The following CLCN6 variants were observed in gnomAD, a reference collection of about 807,000 sequenced individuals.
CLCN6 encodes Cl-/H+ antiporter 6.
Under a neutral mutation model 109.8 loss-of-function variants are expected in CLCN6, and 70 were observed. The observed-to-expected ratio is 0.64, with a 90% CI of 0.53 to 0.78. The LOEUF (loss-of-function observed/expected upper bound fraction) is 0.78. Among genes scored for constraint, CLCN6 ranks in the 30% least tolerant of loss-of-function variants. The pLI is 0.00. For missense variants in CLCN6, 984 were observed against 1,142.3 expected (o/e 0.86, Z 2.00); for synonymous variants, 444 against 447.8 (o/e 0.99, Z 0.11).
At chr1:11,815,520 A>G (rs532832172) in intron 2 of CLCN6, among the ~76,000 whole-genome samples, 2 of 152,254 alleles carry the variant, frequency 1.3e-5, no homozygotes, top group African/African-American at 4.8e-5. Context: ...CTCAGCCTCC[A>G]AAGTAGCTGG....
intron 4 of CLCN6, among the ~76,000 whole-genome samples, chr1:11,817,291 A>C (rs1644686068): frequency 6.6e-6 from 1 of 152,182 alleles, no homozygotes; most frequent in Admixed American, 6.5e-5. Context: ...CGGAACTGTG[A>C]ACATCGTGCC....
intron 18 of CLCN6, 50 bp downstream of exon 18, chr1:11,836,203 G>T: frequency 1.9e-6 from 3 of 1,541,080 alleles, no homozygotes; most frequent in Non-Finnish European, 2.6e-6. Context: ...AAGCGGTCCC[G>T]TCTCACACGG....
At chr1:11,820,493 A>C in intron 5 of CLCN6, 1 of 648,194 alleles carries the variant, frequency 1.5e-6, no homozygotes, top group Non-Finnish European at 2.9e-6. Context: ...GGGGCCGGAC[A>C]CAGTGGCTCA....
intron 2 of CLCN6, among the ~76,000 whole-genome samples, chr1:11,811,737 C>T (rs13375493): frequency 2.7e-4 from 41 of 152,268 alleles, no homozygotes; most frequent in African/African-American, 9.1e-4. Context: ...ACCCTGCACT[C>T]ATTAGCAGCC....
At chr1:11,839,542 G>C (rs898255434) in intron 22 of CLCN6, among the ~76,000 whole-genome samples, 2 of 152,198 alleles carry the variant, frequency 1.3e-5, no homozygotes, top group Non-Finnish European at 2.9e-5. Flanking sequence ...GATTACATGC[G>C]TCAGCCACTG....
At chr1:11,814,891 G>A (rs139530712) in intron 2 of CLCN6, among the ~76,000 whole-genome samples, 1,750 of 152,132 alleles carry the variant, frequency 0.012, 24 homozygotes, top group African/African-American at 0.03. Context: ...AAATTAGCCG[G>A]GCGTGTTGGC....
intron 2 of CLCN6, among the ~76,000 whole-genome samples, chr1:11,807,792 CCTTA>C (rs908532071): frequency 6.6e-6 from 1 of 152,156 alleles, no homozygotes; most frequent in African/African-American, 2.4e-5. Flanking sequence ...ACTGTTAACA[CCTTA>C]CTAAGTATCT....
Position 11,828,568 on chromosome 1 carries a change from C to A in CLCN6, c.1065C>A (p.Asn355Lys). The change falls in exon 12 of 23, where the codon AAC becomes AAA. Residue 355 changes from asparagine (N) to lysine (K), a missense_variant. By Grantham distance (94) the Asn-to-Lys change is moderately conservative (BLOSUM62 0). Transcript: ENST00000346436. ...GLLGATFNCLNKRLAKYRMRN... is the reference protein window; with the variant it reads ...GLLGATFNCLKKRLAKYRMRN... ...TGGGAGCCACATTCAACTGTCTGAA[C>A]AAGAGGCTTGCAAAGTACCGTATGC... 1 of 1,614,158 alleles carries A rather than the reference C, an allele frequency of 6.2e-7. No individual in the cohort carries two copies. Among genetic ancestry groups the A allele is most frequent in the Non-Finnish European group, 8.5e-7 (1 of 1,180,034 alleles).
At chr1:11,833,768 C>T in intron 14 of CLCN6, 109 bp from the exon 15 acceptor site, 1 of 1,558,980 alleles carries the variant, frequency 6.4e-7, no homozygotes. Context: ...TTGGTTTCTG[C>T]CTCCTGTGTT....
chr1:11,808,213 ATGTGTGTGTGTGTTTGTGTGTG>A, intron 2 of CLCN6, among the ~76,000 whole-genome samples: 1 of 123,542 alleles, frequency 8.1e-6, no homozygotes, highest in South Asian at 2.7e-4. Context: ...TTTTTATTGT[ATGTGTGTGTGTGTTTGTGTGTG>A]TGTGTGTGTG....
chr1:11,806,415 G>A, intron 1 of CLCN6, 66 bp downstream of exon 1: 1 of 1,397,718 alleles, frequency 7.2e-7, no homozygotes, highest in South Asian at 1.5e-5. Flanking sequence ...AGGCGTTGCC[G>A]GGGGTGGGGC....
At chr1:11,817,390 C>T (rs1178637920) in intron 4 of CLCN6, among the ~76,000 whole-genome samples, 1 of 152,188 alleles carries the variant, frequency 6.6e-6, no homozygotes, top group African/African-American at 2.4e-5. Context: ...TCCTGGGCTC[C>T]TCCCCGTACG....
chr1:11,811,761 C>G (rs1390590498), intron 2 of CLCN6, among the ~76,000 whole-genome samples: 2 of 152,164 alleles, frequency 1.3e-5, no homozygotes, highest in Admixed American at 6.6e-5. Flanking sequence ...GCCTGTTCTC[C>G]TTGCCCCTGA....
At chr1:11,838,687 A>G (rs745754112) in intron 22 of CLCN6, 27 bp downstream of exon 22, 6 of 1,613,922 alleles carry the variant, frequency 3.7e-6, no homozygotes, top group Non-Finnish European at 5.1e-6. Flanking sequence ...CCCTGCCCCC[A>G]CCTTTGAGAG....
chr1:11,816,017 A>T lies in CLCN6; in HGVS notation c.213+106A>T. The T allele has an allele frequency of 2.1e-5, 18 of 843,502 alleles. 1 individual carries two copies. The highest frequency in any genetic ancestry group is 4.5e-4 in the Middle Eastern group (2 of 4,468). 52.3% of individuals were successfully genotyped at this position (843,502 alleles called of 1,614,324 possible). On this transcript the variant is annotated intron_variant, in intron 3 of 22. Transcript: ENST00000346436. ...AACATCTTTACACCTTGTTTTTTGA[A>T]CCTTTTCATGCGATACAGGCAGACC...
chr1:11,819,312 G>A (rs561301964), intron 4 of CLCN6, among the ~76,000 whole-genome samples, 176 bp from the exon 5 acceptor site: 2 of 152,312 alleles, frequency 1.3e-5, no homozygotes, highest in East Asian at 1.9e-4. Context: ...GGACTGGGCT[G>A]GAGAAGGGAT....
In CLCN6 at chr1:11,837,011, C is replaced by T. The variant is rs1644958369; in HGVS notation, c.1993C>T (p.Leu665Phe). ...TCCCCACCCACAGAAATCCAGCATC[C>T]TCACCCGGGCTGGCGAGCAGCGCAA... ...NNIKFKKSSI[L>F]TRAGEQRKRS... The change falls in exon 19 of 23, where the codon CTC (leucine) becomes TTC (phenylalanine). Residue 665 changes from leucine to phenylalanine, a missense_variant. Coordinates refer to ENST00000346436, the MANE Select transcript of CLCN6 (RefSeq NM_001286.5). The T allele has an allele frequency of 6.2e-7, 1 of 1,610,224 alleles. No individual in the cohort carries two copies. The highest frequency in any genetic ancestry group is 1.1e-5 in the South Asian group (1 of 91,088).
At position 11,838,530 on chromosome 1, in the gene CLCN6, T is replaced by G. The variant is rs1464844305; in HGVS notation, c.2404-5T>G. Reference sequence around the variant, plus strand: ...GGCAGTCAGTGACACGTGGTCTCTTTGCAGGATGTCACCCCATACATGAAC... The same window carrying G: ...GGCAGTCAGTGACACGTGGTCTCTTGGCAGGATGTCACCCCATACATGAAC... On this transcript the variant is annotated splice_polypyrimidine_tract_variant and splice_region_variant and intron_variant, in intron 21 of 22. Coordinates refer to ENST00000346436, the MANE Select transcript of CLCN6 (RefSeq NM_001286.5). 3 of 1,607,610 alleles carry G rather than the reference T, an allele frequency of 1.9e-6. No individual in the cohort carries two copies. Among genetic ancestry groups the G allele is most frequent in the Non-Finnish European group, 2.6e-6 (3 of 1,174,606 alleles).
At chr1:11,821,235 C>A (rs1462518124) in intron 5 of CLCN6, among the ~76,000 whole-genome samples, 1 of 152,040 alleles carries the variant, frequency 6.6e-6, no homozygotes, top group Non-Finnish European at 1.5e-5. Context: ...ATTTACTATG[C>A]ATTTAAGAGG....
Sources: gnomAD v4.1 joint callset for allele counts (sites outside exome capture counted in the v4.1 genomes callset) on GRCh38, gnomAD v4.1.1 for gene constraint, MANE v1.5 for transcripts, NCBI Gene and HGNC (gene_info 2026-07-23, HGNC 2026-07-21) for gene names.